The following PPP2R3A variants were observed in gnomAD, a reference collection of about 807,000 sequenced individuals.
PPP2R3A encodes serine/threonine-protein phosphatase 2A regulatory subunit B'' subunit alpha.
In PPP2R3A, 80 loss-of-function variants were observed where a neutral mutation model predicts 106.9. The ratio of observed to expected loss-of-function variants is 0.75; its 90% CI spans 0.62 to 0.90. The LOEUF (loss-of-function observed/expected upper bound fraction) is 0.90. Among genes scored for constraint, PPP2R3A ranks in the 40% least tolerant of loss-of-function variants. The pLI is 0.00. For missense variants in PPP2R3A, 1,386 were observed against 1,350.4 expected, an observed-to-expected ratio of 1.03 and a Z score of -0.41; for synonymous variants, 483 against 468.3, an observed-to-expected ratio of 1.03 and a Z score of -0.41.
intron 5 of PPP2R3A, among the ~76,000 whole-genome samples, chr3:136,062,194 C>G (rs1037640386): frequency 2.0e-5 from 3 of 152,112 alleles, no homozygotes; most frequent in Non-Finnish European, 4.4e-5. Context: ...TACCTCTTTG[C>G]TTCTTAAATG....
chr3:136,013,852 C>G (rs1461959831), intron 2 of PPP2R3A, among the ~76,000 whole-genome samples: 5 of 151,952 alleles, frequency 3.3e-5, no homozygotes, highest in African/African-American at 1.2e-4. Flanking sequence ...AAGTAAGTCC[C>G]ATCTATTTAT....
At chr3:136,011,994 T>C (rs61791707) in intron 2 of PPP2R3A, among the ~76,000 whole-genome samples, 1,762 of 148,192 alleles carry the variant, frequency 0.012, 35 homozygotes, top group African/African-American at 0.04. Context: ...CACACACACA[T>C]ACACACACAC....
At chr3:136,028,764 G>C (rs1934755361) in intron 3 of PPP2R3A, among the ~76,000 whole-genome samples, 1 of 152,202 alleles carries the variant, frequency 6.6e-6, no homozygotes, top group South Asian at 2.1e-4. Context: ...AATTTAACAA[G>C]GCTGAATGAA....
intron 10 of PPP2R3A, among the ~76,000 whole-genome samples, chr3:136,101,292 C>T (rs1015977510): frequency 6.6e-6 from 1 of 152,156 alleles, no homozygotes; most frequent in South Asian, 2.1e-4. Flanking sequence ...ATTATAAATT[C>T]TGAATGTTGA....
At chr3:136,027,733 A>G (rs559735616) in intron 3 of PPP2R3A, among the ~76,000 whole-genome samples, 2 of 152,282 alleles carry the variant, frequency 1.3e-5, no homozygotes, top group African/African-American at 4.8e-5. Flanking sequence ...CCCACCTTCT[A>G]TAGCAGTGCT....
Position 136,002,641 on chromosome 3 carries a change from G to T in PPP2R3A, c.1143G>T (p.Glu381Asp). 1.2e-6 allele frequency: 2 copies of T among 1,613,686 alleles called. No homozygotes were observed. The highest frequency in any genetic ancestry group is 1.7e-6 in the Non-Finnish European group (2 of 1,179,684). The change falls in exon 2 of 14, where the codon GAG becomes GAT. Residue 381 changes from glutamate (E) to aspartate (D), a missense_variant. Glu to Asp is a conservative substitution (Grantham distance 45, BLOSUM62 2). Coordinates refer to ENST00000264977, the MANE Select transcript of PPP2R3A (RefSeq NM_002718.5). Reference sequence around the variant, plus strand: ...CCACAAATTCCTTATATAACTTAGAGGTAAATGATCCTAGAACTCTAAAAG... The same window carrying T: ...CCACAAATTCCTTATATAACTTAGATGTAAATGATCCTAGAACTCTAAAAG... ...NNSTNSLYNLEVNDPRTLKAV... is the reference protein window; with the variant it reads ...NNSTNSLYNLDVNDPRTLKAV...
chr3:136,079,405 AATT>A, intron 7 of PPP2R3A: 1 of 181,668 alleles, frequency 5.5e-6, no homozygotes, highest in South Asian at 9.6e-5. Context: ...TATAATCCAT[AATT>A]TTTTTTTTTT....
intron 1 of PPP2R3A, among the ~76,000 whole-genome samples, chr3:135,977,926 C>T (rs1052351291): frequency 6.6e-6 from 1 of 151,920 alleles, no homozygotes; most frequent in African/African-American, 2.4e-5. Context: ...TCTTGAACTC[C>T]TAAGCTAAAA....
Position 135,985,986 on chromosome 3 carries a change from T to C in PPP2R3A, c.-440-15073T>C, listed in dbSNP as rs57578189. On this transcript the variant is annotated intron_variant, in intron 1 of 13. Coordinates refer to ENST00000264977, the MANE Select transcript of PPP2R3A (RefSeq NM_002718.5). ...GTAGGCAGTAGAGTCTGATGGTATG[T>C]AACTCAGAGCAGAGGATTTTTGGAG... is the stretch of plus-strand genomic sequence containing the variant. Among the ~76,000 whole-genome samples, 1,123 of 152,188 alleles carry C rather than the reference T, an allele frequency of 7.4e-3. 13 individuals carry two copies. The highest frequency in any genetic ancestry group is 0.026 in the African/African-American group (1,100 of 41,516).
At chr3:136,006,381 T>C (rs763247976) in intron 2 of PPP2R3A, among the ~76,000 whole-genome samples, 2 of 152,220 alleles carry the variant, frequency 1.3e-5, no homozygotes, top group Admixed American at 6.5e-5. Context: ...CTACTTGTCT[T>C]TTTTTAATCT....
chr3:136,020,946 G>A (rs1387103222), intron 2 of PPP2R3A, among the ~76,000 whole-genome samples: 2 of 152,028 alleles, frequency 1.3e-5, no homozygotes, highest in Non-Finnish European at 2.9e-5. Context: ...TAAATAAACA[G>A]GAAGCCTTCA....
chr3:136,140,142 C>T (rs1938798853), intron 13 of PPP2R3A, among the ~76,000 whole-genome samples: 1 of 152,014 alleles, frequency 6.6e-6, no homozygotes, highest in Non-Finnish European at 1.5e-5. Flanking sequence ...ACAGAAAACA[C>T]CTAATAAAAT....
At chr3:136,032,700 A>G (rs149271848) in intron 3 of PPP2R3A, among the ~76,000 whole-genome samples, 21 of 151,958 alleles carry the variant, frequency 1.4e-4, no homozygotes, top group African/African-American at 4.3e-4. Context: ...ATGCCCAGCT[A>G]ATTTTTTGTG....
chr3:135,992,832 T>C (rs541502090), intron 1 of PPP2R3A, among the ~76,000 whole-genome samples: 2 of 152,032 alleles, frequency 1.3e-5, no homozygotes, highest in South Asian at 2.1e-4. Context: ...ATATATAAGA[T>C]GAGAAACGGG....
intron 5 of PPP2R3A, among the ~76,000 whole-genome samples, chr3:136,052,973 C>T (rs968076166): frequency 4.6e-5 from 7 of 152,186 alleles, no homozygotes; most frequent in Admixed American, 3.9e-4. Flanking sequence ...GACCACATGT[C>T]TTGTGGGACT....
chr3:135,966,546 A>G (rs547651499), intron 1 of PPP2R3A, among the ~76,000 whole-genome samples: 1 of 152,024 alleles, frequency 6.6e-6, no homozygotes, highest in Non-Finnish European at 1.5e-5. Context: ...GGACCTCTCG[A>G]TGGAAACCAG....
intron 10 of PPP2R3A, among the ~76,000 whole-genome samples, chr3:136,100,513 TAA>T (rs778637778): frequency 6.5e-5 from 9 of 139,112 alleles, no homozygotes; most frequent in Non-Finnish European, 6.3e-5. Context: ...CGTCTCTCCT[TAA>T]AAAAAAAAAA....
chr3:135,966,119 G>C (rs1312490329), intron 1 of PPP2R3A, among the ~76,000 whole-genome samples: 2 of 152,048 alleles, frequency 1.3e-5, no homozygotes, highest in Non-Finnish European at 2.9e-5. Context: ...GAAATTGCCT[G>C]CCCCAGGGGC....
intron 1 of PPP2R3A, among the ~76,000 whole-genome samples, chr3:135,996,220 C>T (rs1410154668): frequency 6.6e-6 from 1 of 152,176 alleles, no homozygotes; most frequent in African/African-American, 2.4e-5. Context: ...TAATGTGATT[C>T]TGGCCTCAGA....
Sources: allele counts gnomAD v4.1 joint callset (sites outside exome capture counted in the v4.1 genomes callset), GRCh38; gene constraint gnomAD v4.1.1; transcripts MANE v1.5; gene names NCBI Gene and HGNC (gene_info 2026-07-23, HGNC 2026-07-21).